CNTNAP3B: variants seen among roughly 807,000 people sequenced by gnomAD.
CNTNAP3B encodes the protein contactin-associated protein-like 3B.
In CNTNAP3B, 25 loss-of-function variants were observed where a neutral mutation model predicts 108.9. The observed-to-expected ratio is 0.23, with a 90% CI of 0.17 to 0.32. CNTNAP3B has a LOEUF of 0.32. CNTNAP3B is among the 10% of genes least tolerant of loss of function. CNTNAP3B has a pLI of 1.00. For synonymous variants in CNTNAP3B, 103 were observed against 473.4 expected, an observed-to-expected ratio of 0.22 and a Z score of 10.16; for missense variants, 252 against 1,210.4, an observed-to-expected ratio of 0.21 and a Z score of 11.75.
At chr9:42,113,876 G>C (rs1246791174) in intron 1 of CNTNAP3B, among the ~76,000 whole-genome samples, 1 of 139,054 alleles carries the variant, frequency 7.2e-6, no homozygotes, top group Non-Finnish European at 1.5e-5. Context: ...ATTTCACATT[G>C]CATGCCTGTA....
At chr9:42,054,632 C>T (rs1485917680) in intron 3 of CNTNAP3B, among the ~76,000 whole-genome samples, 3 of 151,662 alleles carry the variant, frequency 2.0e-5, no homozygotes, top group Non-Finnish European at 4.4e-5. Context: ...ACTGATGACC[C>T]AGGACATGAA....
intron 3 of CNTNAP3B, among the ~76,000 whole-genome samples, chr9:42,042,265 T>C (rs1289052068): frequency 9.4e-6 from 1 of 106,856 alleles, no homozygotes. Context: ...TTGGATGGTA[T>C]ATATTTAAAA....
intron 3 of CNTNAP3B, among the ~76,000 whole-genome samples, chr9:42,042,045 T>G (rs927718214): frequency 7.5e-6 from 1 of 132,840 alleles, no homozygotes; most frequent in Non-Finnish European, 1.6e-5. Flanking sequence ...ATGAGAACAC[T>G]TGGACACAGG....
chr9:41,930,415 C>T (rs1484445436), intron 14 of CNTNAP3B, among the ~76,000 whole-genome samples: 1 of 152,306 alleles, frequency 6.6e-6, no homozygotes, highest in East Asian at 1.9e-4. Context: ...TGATGGTGCA[C>T]ACCTGTAGTC....
intron 13 of CNTNAP3B, among the ~76,000 whole-genome samples, chr9:41,943,363 T>C (rs1394578888): frequency 7.0e-6 from 1 of 143,368 alleles, no homozygotes; most frequent in Non-Finnish European, 1.5e-5. Context: ...TTTTTTTTTT[T>C]TTTTTTTGAG....
At chr9:42,103,801 C>T (rs1235475374) in intron 2 of CNTNAP3B, among the ~76,000 whole-genome samples, 1 of 71,256 alleles carries the variant, frequency 1.4e-5, no homozygotes. Flanking sequence ...ATACAGTAGA[C>T]ACTTTTGAAT....
At chr9:42,127,726 G>T (rs1422468220) in intron 1 of CNTNAP3B, among the ~76,000 whole-genome samples, 1 of 139,530 alleles carries the variant, frequency 7.2e-6, no homozygotes, top group Non-Finnish European at 1.5e-5. Context: ...GCAATCCGGA[G>T]CTTGTTTTTT....
In CNTNAP3B at chr9:41,922,218, C is replaced by A. The variant is rs943596536; in HGVS notation, c.2755+459G>T. 3.2e-3 allele frequency among the ~76,000 whole-genome samples: 403 copies of A among 127,536 alleles called. 49 individuals are homozygous for A. The highest frequency in any genetic ancestry group is 0.012 in the African/African-American group (384 of 30,914). 83.7% of individuals were successfully genotyped at this position (127,536 alleles called of 152,430 possible). ...CGGTGGCTCGCGCCTGTAATCCCAG[C>A]ACTTTGAGAGGCTGAGGTGGGTGGA... On this transcript the variant is annotated intron_variant, in intron 17 of 23. Transcript: ENST00000377561.
rs1311838103 is a variant in CNTNAP3B at position 42,107,772 on chromosome 9, G to A, written c.86-3033C>T. Among the ~76,000 whole-genome samples the A allele has an allele frequency of 5.1e-5, 7 of 136,462 alleles. 2 individuals are homozygous for A. Among genetic ancestry groups the A allele is most frequent in the African/African-American group, 1.2e-4 (4 of 34,038 alleles). 89.5% of individuals were successfully genotyped at this position (136,462 alleles called of 152,430 possible). A position where few individuals can be genotyped will look rare whatever the true frequency, so the allele number is the denominator to read the frequency against. On this transcript the variant is annotated intron_variant, in intron 1 of 23. Coordinates refer to ENST00000377561, the MANE Select transcript of CNTNAP3B (RefSeq NM_001201380.3). ...GGGTGGATCACAAGGTCAGGAGATC[G>A]AGACCATCCTGGCTAATACGGTGAA...
chr9:41,924,872 T>C (rs1266411474), intron 15 of CNTNAP3B, among the ~76,000 whole-genome samples: 1 of 152,284 alleles, frequency 6.6e-6, no homozygotes, highest in African/African-American at 2.4e-5. Flanking sequence ...GACTTTTTGG[T>C]ATTTTTCAGT....
chr9:42,116,252 A>G lies in CNTNAP3B; in HGVS notation c.86-11513T>C, dbSNP rs1399991000. Among the ~76,000 whole-genome samples, 8 of 135,472 alleles carry G rather than the reference A, an allele frequency of 5.9e-5. 3 individuals are homozygous for G. Among genetic ancestry groups the G allele is most frequent in the Admixed American group, 2.2e-4 (3 of 13,498 alleles). The allele number at this position is 135,472 out of a possible 152,430, so 88.9% of individuals were successfully genotyped here. On this transcript the variant is annotated intron_variant, in intron 1 of 23. Coordinates refer to ENST00000377561, the MANE Select transcript of CNTNAP3B (RefSeq NM_001201380.3). ...TCACCAAACTTGAAATGAAGGAAAAAATATTAAGGGCAGCCAGAGAGAAAG... is the reference window on the plus strand; with the variant it reads ...TCACCAAACTTGAAATGAAGGAAAAGATATTAAGGGCAGCCAGAGAGAAAG...
intron 3 of CNTNAP3B, among the ~76,000 whole-genome samples, chr9:42,071,001 C>A (rs1473479827): frequency 6.6e-6 from 1 of 150,510 alleles, no homozygotes; most frequent in Non-Finnish European, 1.5e-5. Context: ...TCAGTTATAG[C>A]AAATTGTATG....
At chr9:42,088,950 C>T (rs1252462280) in intron 2 of CNTNAP3B, among the ~76,000 whole-genome samples, 2 of 132,854 alleles carry the variant, frequency 1.5e-5, no homozygotes, top group African/African-American at 6.1e-5. Flanking sequence ...GGCGTGGTGG[C>T]TCACACCTGT....
intron 2 of CNTNAP3B, among the ~76,000 whole-genome samples, chr9:42,089,678 C>A (rs1378130472): frequency 1.7e-4 from 25 of 148,018 alleles, no homozygotes; most frequent in Non-Finnish European, 2.8e-4. Context: ...AATCACTGAA[C>A]CTAGTCAGTG....
Position 41,990,925 on chromosome 9 carries a change from C to T in CNTNAP3B, c.1333+685G>A, listed in dbSNP as rs1157850089. Among the ~76,000 whole-genome samples, 2 of 139,286 alleles carry T rather than the reference C, an allele frequency of 1.4e-5. 1 individual carries two copies. The highest frequency in any genetic ancestry group is 3.1e-5 in the Non-Finnish European group (2 of 64,974). 91.4% of individuals were successfully genotyped at this position (139,286 alleles called of 152,430 possible). ...TGATGGGGAGTGGGGATGTGAGGGCCTGTGTGTGGGGTGGACATTGTGCTA... is the reference window on the plus strand; with the variant it reads ...TGATGGGGAGTGGGGATGTGAGGGCTTGTGTGTGGGGTGGACATTGTGCTA... On this transcript the variant is annotated intron_variant, in intron 8 of 23. Transcript: ENST00000377561.
At chr9:41,923,435 G>A (rs542682345) in intron 16 of CNTNAP3B, among the ~76,000 whole-genome samples, 107 of 151,794 alleles carry the variant, frequency 7.0e-4, no homozygotes, top group African/African-American at 2.3e-3. Context: ...GGATTATTAC[G>A]TGCTTCATGC....
intron 3 of CNTNAP3B, among the ~76,000 whole-genome samples, chr9:42,024,669 CAAAAAAA>C (rs1216353981): frequency 8.2e-5 from 7 of 84,994 alleles, no homozygotes; most frequent in Non-Finnish European, 1.6e-4. Context: ...CCAGGGTTCA[CAAAAAAA>C]AAAAAAAAGA....
At position 42,076,861 on chromosome 9, in the gene CNTNAP3B, A is replaced by C. The variant is rs1827503630; in HGVS notation, c.390+8T>G. On this transcript the variant is annotated splice_region_variant and intron_variant, in intron 3 of 23. Transcript: ENST00000377561. ...AATAGGTAGCAATTATTGTTATTAG[A>C]AACATACCCAGATGCTTTCTTCTCG... is the stretch of plus-strand genomic sequence containing the variant. The C allele has an allele frequency of 1.3e-6, 2 of 1,541,032 alleles. No individual in the cohort carries two copies. The highest frequency in any genetic ancestry group is 3.1e-5 in the African/African-American group (2 of 63,628).
At chr9:42,097,220 G>A (rs757844062) in intron 2 of CNTNAP3B, among the ~76,000 whole-genome samples, 6 of 139,974 alleles carry the variant, frequency 4.3e-5, no homozygotes, top group African/African-American at 1.4e-4. Context: ...GAAAACTGAC[G>A]GAAAATATGA....
Sources: allele counts gnomAD v4.1 joint callset (sites outside exome capture counted in the v4.1 genomes callset), GRCh38; gene constraint gnomAD v4.1.1; transcripts MANE v1.5; gene names NCBI Gene and HGNC (gene_info 2026-07-23, HGNC 2026-07-21).